The following CYP2A13 variants were observed in gnomAD, a reference collection of about 807,000 sequenced individuals.
CYP2A13 encodes cytochrome P450 family 2 subfamily A member 13.
A neutral mutation model predicts 39.4 loss-of-function variants in CYP2A13; 30 were observed. The ratio of observed to expected loss-of-function variants is 0.76; its 90% confidence interval spans 0.57 to 1.03. The LOEUF (loss-of-function observed/expected upper bound fraction) is 1.03. CYP2A13 is among the 50% of genes least tolerant of loss of function. The pLI is 0.00. For synonymous variants in CYP2A13, 269 were observed against 254.7 expected (o/e 1.06, Z -0.54); for missense variants, 731 against 648.4 (o/e 1.13, Z -1.38).
intron 1 of CYP2A13, 32 bp downstream of exon 1, chr19:41,088,683 G>A (rs1475124041): frequency 6.3e-7 from 1 of 1,596,812 alleles, no homozygotes; most frequent in East Asian, 2.2e-5. Context: ...GGTGGCACGG[G>A]GTGGGGGCTG....
intron 2 of CYP2A13, 28 bp from the exon 3 acceptor site, chr19:41,090,019 C>G (rs201516283): frequency 7.4e-5 from 118 of 1,586,690 alleles, no homozygotes; most frequent in Middle Eastern, 1.9e-4. Flanking sequence ...CCCCTGACCT[C>G]TCTCCACCCC....
Position 41,094,156 on chromosome 19 carries a change from C to G in CYP2A13, c.974-89C>G, listed in dbSNP as rs1019830367. 6 of 1,549,310 alleles carry G rather than the reference C, an allele frequency of 3.9e-6. No homozygotes were observed. In the Admixed American group the frequency reaches 1.2e-4, roughly 30 times the overall value. ...GTCTACCTCCGTGTCATAGGTGGAG[C>G]TATGTCAACCACCGTGTTTTACCTA... On this transcript the variant is annotated intron_variant, in intron 6 of 8. Transcript: ENST00000330436.
At chr19:41,088,771 A>T in intron 1 of CYP2A13, 120 bp downstream of exon 1, 1 of 1,534,788 alleles carries the variant, frequency 6.5e-7, no homozygotes, top group South Asian at 1.3e-5. Flanking sequence ...TTGGAGTTTC[A>T]GCATCAGGGT....
At chr19:41,095,226 T>C (rs1241288491) in intron 8 of CYP2A13, 126 bp downstream of exon 8, 5 of 1,576,254 alleles carry the variant, frequency 3.2e-6, no homozygotes, top group Non-Finnish European at 4.3e-6. Context: ...GAATCTACCA[T>C]TGAGCCGCCA....
chr19:41,089,128 G>A, intron 2 of CYP2A13, 37 bp downstream of exon 2: 1 of 1,610,612 alleles, frequency 6.2e-7, no homozygotes. Flanking sequence ...GTGGCCAGGT[G>A]GATGCAATGG....
At chr19:41,093,301 G>A (rs919666364) in intron 5 of CYP2A13, among the ~76,000 whole-genome samples, 13 of 152,114 alleles carry the variant, frequency 8.5e-5, no homozygotes, top group African/African-American at 2.9e-4. Flanking sequence ...GGCTGAGGCC[G>A]GAGGATTCCT....
chr19:41,088,534 G>A lies in CYP2A13; in HGVS notation c.63G>A (p.Met21Ile). The change falls in exon 1 of 9, where the codon ATG becomes ATA. Residue 21 changes from methionine (M) to isoleucine (I), a missense_variant. Met to Ile is a conservative substitution (Grantham distance 10, BLOSUM62 1). Coordinates refer to ENST00000330436, the MANE Select transcript of CYP2A13 (RefSeq NM_000766.5). ...LLACLTVMVL[M>I]SVWRQRKSRG... ...CCTGCCTGACTGTGATGGTCTTGAT[G>A]TCAGTCTGGCGGCAGAGGAAGAGCA... The A allele has an allele frequency of 6.2e-7, 1 of 1,614,064 alleles. No individual in the cohort carries two copies. Among genetic ancestry groups the A allele is most frequent in the Non-Finnish European group, 8.5e-7 (1 of 1,179,934 alleles).
chr19:41,091,627 C>T (rs1477265004), intron 4 of CYP2A13, 105 bp from the exon 5 acceptor site: 3 of 1,512,980 alleles, frequency 2.0e-6, no homozygotes, highest in African/African-American at 2.8e-5. Context: ...TGGACAGATG[C>T]CTTTAACTCC....
At chr19:41,094,631 T>A (rs1229602391) in intron 7 of CYP2A13, among the ~76,000 whole-genome samples, 199 bp downstream of exon 7, 2 of 152,136 alleles carry the variant, frequency 1.3e-5, no homozygotes, top group African/African-American at 4.8e-5. Context: ...CCAGACTCTT[T>A]GTGTCAGGAG....
At position 41,095,910 on chromosome 19, in the gene CYP2A13, G is replaced by A. The variant is rs267605496; in HGVS notation, c.1454G>A (p.Arg485Gln). 3.8e-6 allele frequency: 6 copies of A among 1,588,490 alleles called. No homozygotes were observed. Among genetic ancestry groups the A allele is most frequent in the African/African-American group, 1.4e-5 (1 of 73,776 alleles). ...PKHVGFATIP[R>Q]NYTMSFLPR The stretch of plus-strand genomic sequence containing the variant: ...CACGTGGGCTTTGCCACGATCCCAC[G>A]AAACTACACCATGAGCTTCCTGCCC... Residue 485 changes from arginine to glutamine, a missense_variant, in exon 9 of 9, where the codon CGA (arginine) becomes CAA (glutamine). Arg to Gln is a conservative substitution (Grantham distance 43, BLOSUM62 1). Transcript: ENST00000330436.
In CYP2A13 at chr19:41,091,913, A is replaced by C; in HGVS notation, c.831+5A>C. ...TTTCTCATCCGCATGCAGGAGGTAC[A>C]TCCCAGCAGCCAGTGCAGGCAGGTG... On this transcript the variant is annotated splice_donor_5th_base_variant and intron_variant, in intron 5 of 8. Coordinates refer to ENST00000330436, the MANE Select transcript of CYP2A13 (RefSeq NM_000766.5). 1 of 1,613,938 alleles carries C rather than the reference A, an allele frequency of 6.2e-7. No individual in the cohort carries two copies. Among genetic ancestry groups the C allele is most frequent in the Admixed American group, 1.7e-5 (1 of 60,016 alleles).
intron 4 of CYP2A13, among the ~76,000 whole-genome samples, 188 bp downstream of exon 4, chr19:41,090,752 A>T (rs1223096214): frequency 1.3e-5 from 2 of 152,066 alleles, no homozygotes; most frequent in African/African-American, 2.4e-5. Context: ...GTCTCCAAGG[A>T]CACCTGGATA....
intron 2 of CYP2A13, 118 bp from the exon 3 acceptor site, chr19:41,089,929 C>T: frequency 7.8e-7 from 1 of 1,284,252 alleles, no homozygotes; most frequent in Non-Finnish European, 1.0e-6. Context: ...CGCGCTGAAT[C>T]CATCTCTCTC....
At chr19:41,088,812 C>G in intron 1 of CYP2A13, 117 bp from the exon 2 acceptor site, 1 of 1,546,900 alleles carries the variant, frequency 6.5e-7, no homozygotes, top group South Asian at 1.3e-5. Flanking sequence ...CTTGGGATGT[C>G]CAGCTCCCTG....
At chr19:41,093,834 G>A (rs2031242666) in intron 6 of CYP2A13, 63 bp downstream of exon 6, 9 of 1,584,416 alleles carry the variant, frequency 5.7e-6, no homozygotes, top group South Asian at 1.1e-5. Flanking sequence ...TGAGCCTGGT[G>A]CAGTGTACCC....
chr19:41,094,514 T>C (rs777263992), intron 7 of CYP2A13, 82 bp downstream of exon 7: 7 of 1,511,098 alleles, frequency 4.6e-6, no homozygotes, highest in Non-Finnish European at 6.4e-6. Flanking sequence ...CTGCCCCCAT[T>C]AGTGTTCTAG....
chr19:41,091,668 T>C, intron 4 of CYP2A13, 64 bp from the exon 5 acceptor site: 1 of 1,590,066 alleles, frequency 6.3e-7, no homozygotes, highest in South Asian at 1.2e-5. Context: ...CAAATCCCCA[T>C]TCCCATCAGC....
chr19:41,093,003 A>G (rs111321734), intron 5 of CYP2A13, among the ~76,000 whole-genome samples: 52 of 152,136 alleles, frequency 3.4e-4, no homozygotes, highest in African/African-American at 1.1e-3. Context: ...TATTCCTATC[A>G]TTAAAAAAGT....
intron 3 of CYP2A13, 30 bp from the exon 4 acceptor site, chr19:41,090,374 C>T: frequency 1.2e-6 from 2 of 1,613,670 alleles, no homozygotes; most frequent in Non-Finnish European, 1.7e-6. Flanking sequence ...TGACTCTCTC[C>T]CCAACCCCCT....
Sources: gnomAD v4.1 joint callset for allele counts (sites outside exome capture counted in the v4.1 genomes callset) on GRCh38, gnomAD v4.1.1 for gene constraint, MANE v1.5 for transcripts, NCBI Gene and HGNC (gene_info 2026-07-23, HGNC 2026-07-21) for gene names.